Variants in KSR1 observed in about 807,000 individuals in gnomAD.
The protein encoded by KSR1 is kinase suppressor of ras.
KSR1 carries 35 observed loss-of-function variants against 92.9 expected under a neutral mutation model. The ratio of observed to expected loss-of-function variants is 0.38; its 90% CI spans 0.29 to 0.50. KSR1 has a LOEUF of 0.50. KSR1 is among the 20% of genes least tolerant of loss of function. The probability of loss-of-function intolerance (pLI) is 0.94; values close to 1 mark genes in which losing one functional copy is unlikely to be tolerated. For synonymous variants in KSR1, 467 were observed against 472.6 expected (o/e 0.99, Z 0.15); for missense variants, 972 against 1,158.5 (o/e 0.84, Z 2.34).
intron 19 of KSR1, among the ~76,000 whole-genome samples, chr17:27,620,652 C>T (rs1354652480): frequency 6.6e-6 from 1 of 152,128 alleles, no homozygotes; most frequent in Non-Finnish European, 1.5e-5. Context: ...CCAGCAGAGA[C>T]CAGGAGCATG....
chr17:27,467,405 C>T (rs1490317629), intron 1 of KSR1, among the ~76,000 whole-genome samples: 2 of 152,224 alleles, frequency 1.3e-5, no homozygotes, highest in African/African-American at 4.8e-5. Flanking sequence ...GAAAAATTAA[C>T]TCACAACATA....
chr17:27,470,994 C>T (rs900244643), intron 1 of KSR1, among the ~76,000 whole-genome samples: 1 of 152,088 alleles, frequency 6.6e-6, no homozygotes, highest in Admixed American at 6.5e-5. Flanking sequence ...CCTCAGCCTC[C>T]TGAGTAGCTG....
chr17:27,618,288 G>A (rs545826459), intron 19 of KSR1, among the ~76,000 whole-genome samples: 5 of 152,292 alleles, frequency 3.3e-5, no homozygotes, highest in Admixed American at 6.5e-5. Context: ...GGCCACTGTC[G>A]TCTCTCCTGC....
At chr17:27,576,963 ATC>A (rs1038124424) in intron 2 of KSR1, among the ~76,000 whole-genome samples, 3 of 152,002 alleles carry the variant, frequency 2.0e-5, no homozygotes, top group Non-Finnish European at 4.4e-5. Flanking sequence ...CTCTTTCTTC[ATC>A]TGTCAGGTGG....
At chr17:27,495,293 C>T (rs553308861) in intron 1 of KSR1, among the ~76,000 whole-genome samples, 2 of 152,172 alleles carry the variant, frequency 1.3e-5, no homozygotes, top group Non-Finnish European at 2.9e-5. Context: ...TGGCCTTGTC[C>T]AACATCTTGG....
At chr17:27,529,332 T>C (rs1274823380) in intron 1 of KSR1, among the ~76,000 whole-genome samples, 4 of 152,240 alleles carry the variant, frequency 2.6e-5, no homozygotes, top group African/African-American at 7.2e-5. Flanking sequence ...CACACCAGAA[T>C]GTAGTTACCT....
At chr17:27,462,943 T>C (rs991373779) in intron 1 of KSR1, among the ~76,000 whole-genome samples, 7 of 152,256 alleles carry the variant, frequency 4.6e-5, no homozygotes, top group Non-Finnish European at 1.0e-4. Context: ...GTGGCTGCAT[T>C]GTGTGGTCAT....
At chr17:27,572,260 T>C (rs2072338215) in intron 2 of KSR1, among the ~76,000 whole-genome samples, 1 of 152,222 alleles carries the variant, frequency 6.6e-6, no homozygotes, top group Non-Finnish European at 1.5e-5. Flanking sequence ...TGATCTCTGA[T>C]GCTGTCACTC....
Position 27,592,554 on chromosome 17 carries a change from G to A in KSR1, c.1227G>A (p.Ser409=), listed in dbSNP as rs376679348. 2.0e-5 allele frequency: 33 copies of A among 1,613,788 alleles called. No individual in the cohort carries two copies. The highest frequency in any genetic ancestry group is 3.3e-4 in the Middle Eastern group (2 of 6,082). The change falls in exon 9 of 21, where the codon TCG becomes TCA. Residue 409 remains serine (S), a synonymous_variant. Transcript: ENST00000644974. ...TRLRRTESVP[S]DINNPVDRAA... is the part of the protein sequence containing the mutation. ...TTCGGAGGACAGAATCTGTCCCCTCGGACATCAACAACCCGGTGGACAGAG... is the reference window on the plus strand; with the variant it reads ...TTCGGAGGACAGAATCTGTCCCCTCAGACATCAACAACCCGGTGGACAGAG...
intron 13 of KSR1, among the ~76,000 whole-genome samples, chr17:27,605,020 A>T (rs2073702365): frequency 6.6e-6 from 1 of 152,228 alleles, no homozygotes; most frequent in Admixed American, 6.5e-5. Context: ...CCATTGCATT[A>T]TGGCTTGGAG....
At chr17:27,579,496 A>G (rs992654074) in intron 3 of KSR1, 2 of 152,214 alleles carry the variant, frequency 1.3e-5, no homozygotes, top group Admixed American at 6.5e-5. Context: ...AGAGCCTGGC[A>G]TGTATTAGAT....
intron 1 of KSR1, among the ~76,000 whole-genome samples, chr17:27,487,697 C>T (rs947959198): frequency 6.6e-6 from 1 of 151,772 alleles, no homozygotes; most frequent in East Asian, 1.9e-4. Context: ...CTCACCCTGT[C>T]GCCCAGGCTG....
chr17:27,585,773 A>G (rs189301559), intron 5 of KSR1, 112 bp downstream of exon 5: 92 of 716,864 alleles, frequency 1.3e-4, no homozygotes, highest in South Asian at 8.5e-4. Flanking sequence ...CAGCCTCTCC[A>G]TAGTCCAGAA....
chr17:27,552,355 G>A (rs964140357), intron 2 of KSR1, among the ~76,000 whole-genome samples: 2 of 152,108 alleles, frequency 1.3e-5, no homozygotes, highest in African/African-American at 4.8e-5. Context: ...GCTTGGTTGC[G>A]ACAGATATAA....
At chr17:27,515,177 C>A (rs1054744784) in intron 1 of KSR1, among the ~76,000 whole-genome samples, 35 of 152,330 alleles carry the variant, frequency 2.3e-4, no homozygotes, top group African/African-American at 7.7e-4. Context: ...GTAACTGAAA[C>A]ATTCTTGTAA....
chr17:27,597,157 G>T, intron 9 of KSR1, 111 bp from the exon 10 acceptor site: 1 of 1,197,582 alleles, frequency 8.4e-7, no homozygotes, highest in Non-Finnish European at 1.2e-6. Flanking sequence ...AGACCCTGAG[G>T]ATTCCCTGGG....
At chr17:27,548,486 C>T (rs2071269266) in intron 1 of KSR1, among the ~76,000 whole-genome samples, 2 of 151,954 alleles carry the variant, frequency 1.3e-5, no homozygotes, top group Admixed American at 1.3e-4. Flanking sequence ...TGCTAAGGTC[C>T]CGGTGCAGTG....
intron 2 of KSR1, chr17:27,560,364 G>A: frequency 1.9e-6 from 1 of 516,652 alleles, no homozygotes; most frequent in Non-Finnish European, 3.9e-6. Flanking sequence ...GGTGGGTGCT[G>A]CAGAGTCTGG....
At chr17:27,521,698 C>T (rs1378694366) in intron 1 of KSR1, among the ~76,000 whole-genome samples, 1 of 151,708 alleles carries the variant, frequency 6.6e-6, no homozygotes, top group East Asian at 1.9e-4. Context: ...GCTCTCAAAG[C>T]GTGGGGATTG....
Sources: gnomAD v4.1 joint callset for allele counts (sites outside exome capture counted in the v4.1 genomes callset) on GRCh38, gnomAD v4.1.1 for gene constraint, MANE v1.5 for transcripts, NCBI Gene and HGNC (gene_info 2026-07-23, HGNC 2026-07-21) for gene names.